RSAD2: variants seen among roughly 807,000 people sequenced by gnomAD.
The protein encoded by RSAD2 is radical S-adenosyl methionine domain containing 2, also known as S-adenosylmethionine-dependent nucleotide dehydratase RSAD2.
RSAD2 carries 38 observed loss-of-function variants against 37.7 expected under a neutral mutation model. The ratio of observed to expected loss-of-function variants is 1.01; its 90% confidence interval spans 0.78 to 1.32. The LOEUF (loss-of-function observed/expected upper bound fraction) is 1.32. RSAD2 is among the 40% of genes most tolerant of loss of function. RSAD2 has a pLI of 0.00. For missense variants in RSAD2, 428 were observed against 437.5 expected (o/e 0.98, Z 0.19); for synonymous variants, 163 against 157.4 (o/e 1.04, Z -0.27).
chr2:6,896,016 A>C lies in RSAD2; in HGVS notation c.*74A>C. On this transcript the variant is annotated 3_prime_UTR_variant, in exon 6 of 6. Coordinates refer to ENST00000382040, the MANE Select transcript of RSAD2 (RefSeq NM_080657.5). ...AGTAACTGCCATTGTCTGCAATACT[A>C]TCCCGTTGGTATTTCCCAGTGGCTG... 4.2e-6 allele frequency: 6 copies of C among 1,433,592 alleles called. No homozygotes were observed. The South Asian group carries it at 6.8e-5, about 16-fold the overall frequency. The allele number at this position is 1,433,592 out of a possible 1,614,324, so 88.8% of individuals were successfully genotyped here.
chr2:6,893,213 G>A (rs530624173), intron 4 of RSAD2, among the ~76,000 whole-genome samples: 1 of 148,600 alleles, frequency 6.7e-6, no homozygotes, highest in East Asian at 2.0e-4. Context: ...TGTAAGTAAT[G>A]TTAGGGTAAT....
chr2:6,875,560 G>A (rs1216271797), upstream of RSAD2, among the ~76,000 whole-genome samples: 1 of 152,130 alleles, frequency 6.6e-6, no homozygotes, highest in Non-Finnish European at 1.5e-5. Context: ...ACCCCTCACG[G>A]GCAGTTGTTT....
At chr2:6,868,074 A>G (rs1663136212) in intron 1 of RSAD2, among the ~76,000 whole-genome samples, 1 of 152,200 alleles carries the variant, frequency 6.6e-6, no homozygotes. Context: ...GGCTGGGAAG[A>G]TACTTCAAAG....
rs368491591 is a variant in RSAD2, at chr2:6,886,916, C to G, written c.509-19C>G. ...TGGTCCTTGGATAGAAAAGTTTAAA[C>G]ATGATCATTTTCCCTCAGGTGAGTA... On this transcript the variant is annotated intron_variant, in intron 2 of 5. Transcript: ENST00000382040. 3 of 1,596,356 alleles carry G rather than the reference C, an allele frequency of 1.9e-6. No individual in the cohort carries two copies. In the African/African-American group the frequency reaches 4.0e-5, roughly 21 times the overall value.
chr2:6,871,948 A>G (rs1035798768), intron 1 of RSAD2, among the ~76,000 whole-genome samples: 1 of 152,192 alleles, frequency 6.6e-6, no homozygotes, highest in Non-Finnish European at 1.5e-5. Context: ...CTTGCCTGCC[A>G]TTCAGTAATA....
chr2:6,876,103 G>T (rs79038721), upstream of RSAD2, among the ~76,000 whole-genome samples: 1 of 152,156 alleles, frequency 6.6e-6, no homozygotes, highest in Non-Finnish European at 1.5e-5. Flanking sequence ...TTTCCACAGG[G>T]TAAATACTTC....
upstream of RSAD2, among the ~76,000 whole-genome samples, chr2:6,876,490 T>A (rs1449486743): frequency 1.3e-5 from 2 of 152,220 alleles, no homozygotes; most frequent in Non-Finnish European, 2.9e-5. Context: ...CCTCTCATGA[T>A]CACATGTTTA....
intron 2 of RSAD2, among the ~76,000 whole-genome samples, chr2:6,884,734 G>A (rs1663481841): frequency 6.6e-6 from 1 of 152,336 alleles, no homozygotes; most frequent in Admixed American, 6.5e-5. Context: ...CATGAAGACT[G>A]TGGAGAACGG....
intron 1 of RSAD2, among the ~76,000 whole-genome samples, chr2:6,868,510 G>A (rs985008203): frequency 6.6e-6 from 1 of 152,174 alleles, no homozygotes; most frequent in Non-Finnish European, 1.5e-5. Context: ...ATGAGCCCAG[G>A]ATAGAATGTT....
At position 6,896,262 on chromosome 2, in the gene RSAD2, G is replaced by T; in HGVS notation, c.*320G>T. The T allele has an allele frequency of 4.6e-6, 1 of 216,568 alleles. No individual in the cohort carries two copies. The highest frequency in any genetic ancestry group is 9.2e-6 in the Non-Finnish European group (1 of 108,886). 13.4% of individuals were successfully genotyped at this position (216,568 alleles called of 1,614,324 possible). The stretch of plus-strand genomic sequence containing the variant: ...ATGACCCCAAAAATGCTTAGATAAG[G>T]CCCCTATACACAGGACCTGACATTT... On this transcript the variant is annotated 3_prime_UTR_variant, in exon 6 of 6. Coordinates refer to ENST00000382040, the MANE Select transcript of RSAD2 (RefSeq NM_080657.5).
rs143112991 is a variant in RSAD2, at chr2:6,884,494, G to A, written c.508+962G>A. 2.9e-3 allele frequency among the ~76,000 whole-genome samples: 435 copies of A among 152,302 alleles called. 2 individuals are homozygous for A. Among genetic ancestry groups the A allele is most frequent in the Admixed American group, 0.012 (187 of 15,302 alleles). ...TACTCAGAGAGAGAAAAAAGAAACT[G>A]AGGAAGCAGTGTGATGGAGACCAAC... On this transcript the variant is annotated intron_variant, in intron 2 of 5. Coordinates refer to ENST00000382040, the MANE Select transcript of RSAD2 (RefSeq NM_080657.5).
chr2:6,893,811 T>A, intron 5 of RSAD2, 108 bp downstream of exon 5: 1 of 740,988 alleles, frequency 1.3e-6, no homozygotes, highest in Admixed American at 2.0e-5. Context: ...TTGTCCTTCT[T>A]AATTAGCACT....
rs577467953 is a variant in RSAD2 at position 6,890,465 on chromosome 2, G to T, written c.888+140G>T. ...AGAAATGGGAGGAATGCCATGTCAG[G>T]GCAGATAGGGCTGAGGGCTGCCATT... On this transcript the variant is annotated intron_variant, in intron 4 of 5. Coordinates refer to ENST00000382040, the MANE Select transcript of RSAD2 (RefSeq NM_080657.5). 128 of 874,032 alleles carry T rather than the reference G, an allele frequency of 1.5e-4. 4 individuals are homozygous for T. In the South Asian group the frequency reaches 2.2e-3, roughly 15 times the overall value. 54.1% of individuals were successfully genotyped at this position (874,032 alleles called of 1,614,324 possible). A position where few individuals can be genotyped will look rare whatever the true frequency, so the allele number is the denominator to read the frequency against.
rs112087451 is a variant in RSAD2, at chr2:6,877,943, A to G, written c.143A>G (p.Lys48Arg). 9.9e-6 allele frequency: 16 copies of G among 1,614,108 alleles called. No homozygotes were observed. The highest frequency in any genetic ancestry group is 9.3e-5 in the African/African-American group (7 of 75,022). The change falls in exon 1 of 6, where the codon AAG becomes AGG. Residue 48 changes from lysine to arginine, a missense_variant. Coordinates refer to ENST00000382040, the MANE Select transcript of RSAD2 (RefSeq NM_080657.5). ...TGGCTGCTAGCTACCAAGAGGAGAA[A>G]GCAGCAGCTGGTCCTGAGAGGGCCA... ...TFWLLATKRR[K>R]QQLVLRGPDE... is the part of the protein sequence containing the mutation.
chr2:6,875,692 T>C (rs1375334), upstream of RSAD2, among the ~76,000 whole-genome samples: 151,929 of 152,338 alleles, frequency 1, 75,764 homozygotes, highest in Middle Eastern at 1. Context: ...GATTTGGCCA[T>C]GGAAATACCT....
chr2:6,875,715 C>A (rs1292160656), upstream of RSAD2, among the ~76,000 whole-genome samples: 1 of 152,168 alleles, frequency 6.6e-6, no homozygotes, highest in Non-Finnish European at 1.5e-5. Flanking sequence ...TACCCAAATT[C>A]CCATCTATTC....
chr2:6,878,883 T>C (rs1663341926), intron 1 of RSAD2: 1 of 1,203,806 alleles, frequency 8.3e-7, no homozygotes, highest in Non-Finnish European at 1.1e-6. Context: ...TTTAACTTTT[T>C]AACAAAAGCA....
chr2:6,876,965 G>A (rs959099188), upstream of RSAD2: 2 of 152,134 alleles, frequency 1.3e-5, no homozygotes, highest in East Asian at 1.9e-4. Flanking sequence ...CAGGTGTCAC[G>A]AAAGCACAAG....
At chr2:6,894,640 A>G (rs79114429) in intron 5 of RSAD2, among the ~76,000 whole-genome samples, 2,325 of 152,066 alleles carry the variant, frequency 0.015, 44 homozygotes, top group African/African-American at 0.052. Flanking sequence ...CTAGATTTTT[A>G]TGTATTTTTT....
Sources: allele counts gnomAD v4.1 joint callset (sites outside exome capture counted in the v4.1 genomes callset), GRCh38; gene constraint gnomAD v4.1.1; transcripts MANE v1.5; gene names NCBI Gene and HGNC (gene_info 2026-07-23, HGNC 2026-07-21).